Variants in ZNF562 observed in about 807,000 individuals in gnomAD.
ZNF562 encodes zinc finger protein 562.
In ZNF562, 13 loss-of-function variants were observed where a neutral mutation model predicts 17.5. The observed-to-expected ratio is 0.74, with a 90% CI of 0.48 to 1.18. The LOEUF (loss-of-function observed/expected upper bound fraction) is 1.18, where lower values mean the gene tolerates loss of function less well. Among genes scored for constraint, ZNF562 ranks in the 50% most tolerant of loss-of-function variants. The probability of loss-of-function intolerance (pLI) is 0.00; values close to 1 mark genes in which losing one functional copy is unlikely to be tolerated. For synonymous variants in ZNF562, 163 were observed against 165.4 expected (o/e 0.99, Z 0.11); for missense variants, 481 against 498.5 (o/e 0.96, Z 0.33).
rs752571911 is a variant in ZNF562, at chr19:9,653,111, C to G, written c.1119G>C (p.Gln373His). 3 of 1,610,988 alleles carry G rather than the reference C, an allele frequency of 1.9e-6. No homozygotes were observed. Among genetic ancestry groups the G allele is most frequent in the Non-Finnish European group, 2.5e-6 (3 of 1,178,332 alleles). Residue 373 changes from glutamine (Q) to histidine (H), a missense_variant, in exon 6 of 6, where the codon CAG (glutamine) becomes CAC (histidine). Transcript: ENST00000453372. ...TGAAGGCTTTCCCACATTCCTTACA[C>G]TGATAGGGTTTCTCTCCAGTGTGAT... ...IRNHTGEKPY[Q>H]CKECGKAFNR...
intron 5 of ZNF562, among the ~76,000 whole-genome samples, chr19:9,654,300 T>C (rs1169188733): frequency 1.3e-5 from 2 of 152,016 alleles, no homozygotes; most frequent in Admixed American, 1.3e-4. Context: ...ATGTTTTACT[T>C]TTTTCAGAGC....
Position 9,653,807 on chromosome 19 carries a change from C to T in ZNF562, c.423G>A (p.Lys141=), listed in dbSNP as rs1568261502. 3 of 1,613,456 alleles carry T rather than the reference C, an allele frequency of 1.9e-6. No homozygotes were observed. Among genetic ancestry groups the T allele is most frequent in the East Asian group, 2.2e-5 (1 of 44,858 alleles). The part of the protein sequence containing the change: ...GEVFSEQFCL[K]THMRAQNGGN... ...CTCCATTCTGAGCTCTCATGTGTGT[C>T]TTAAGGCAAAACTGTTCACTGAAGA... is the stretch of plus-strand genomic sequence containing the variant. Residue 141 remains lysine (K), a synonymous_variant, in exon 6 of 6, where the codon AAG becomes AAA. Transcript: ENST00000453372.
chr19:9,674,427 A>G (rs376750203), intron 1 of ZNF562, among the ~76,000 whole-genome samples: 1 of 152,134 alleles, frequency 6.6e-6, no homozygotes, highest in Non-Finnish European at 1.5e-5. Flanking sequence ...ATATCTAACA[A>G]TCACTTGAAC....
chr19:9,660,564 C>T (rs965534157), intron 2 of ZNF562, among the ~76,000 whole-genome samples, 156 bp downstream of exon 2: 3 of 151,770 alleles, frequency 2.0e-5, no homozygotes, highest in African/African-American at 7.3e-5. Context: ...TAAGATCATG[C>T]CATTGCACTT....
At chr19:9,662,144 C>T (rs1480332352) in intron 1 of ZNF562, among the ~76,000 whole-genome samples, 2 of 152,110 alleles carry the variant, frequency 1.3e-5, no homozygotes, top group East Asian at 3.8e-4. Context: ...GAGCCTGATC[C>T]CCTGTATATG....
At chr19:9,669,820 A>T (rs1184009364) in intron 1 of ZNF562, among the ~76,000 whole-genome samples, 1 of 150,230 alleles carries the variant, frequency 6.7e-6, no homozygotes, top group Non-Finnish European at 1.5e-5. Flanking sequence ...CCAGCTCTTT[A>T]GGAGGCCAAG....
chr19:9,653,814 C>G lies in ZNF562; in HGVS notation c.416G>C (p.Cys139Ser). 6.2e-7 allele frequency: 1 copy of G among 1,612,632 alleles called. No homozygotes were observed. Among genetic ancestry groups the G allele is most frequent in the Non-Finnish European group, 8.5e-7 (1 of 1,179,336 alleles). Residue 139 changes from cysteine (C) to serine (S), a missense_variant, in exon 6 of 6, where the codon TGC (cysteine) becomes TCC (serine). By Grantham distance (112) the Cys-to-Ser change is moderately radical. Transcript: ENST00000453372. ...NCGEVFSEQFCLKTHMRAQNG... is the reference protein window; with the variant it reads ...NCGEVFSEQFSLKTHMRAQNG... ...CTGAGCTCTCATGTGTGTCTTAAGGCAAAACTGTTCACTGAAGACCTCTCC... is the reference window on the plus strand; with the variant it reads ...CTGAGCTCTCATGTGTGTCTTAAGGGAAAACTGTTCACTGAAGACCTCTCC...
rs2043708466 is a variant in ZNF562 at position 9,660,851 on chromosome 19, CT to C, written c.-108del. 1.7e-6 allele frequency: 2 copies of C among 1,171,582 alleles called. No homozygotes were observed. Among genetic ancestry groups the C allele is most frequent in the African/African-American group, 1.5e-5 (1 of 65,796 alleles). 72.6% of individuals were successfully genotyped at this position (1,171,582 alleles called of 1,614,324 possible). ...GTGGATACAGGCAATCTCCATTCCC[CT>C]TTGTACAGGGTTATCTGAGGCCCTG... On this transcript the variant is annotated 5_prime_UTR_variant, in exon 2 of 6. Coordinates refer to ENST00000453372, the MANE Select transcript of ZNF562 (RefSeq NM_001130031.2).
rs1325083233 is a variant in ZNF562 at position 9,669,746 on chromosome 19, A to G, written c.-131+5269T>C. On this transcript the variant is annotated intron_variant, in intron 1 of 5. Coordinates refer to ENST00000453372, the MANE Select transcript of ZNF562 (RefSeq NM_001130031.2). Reference sequence around the variant, plus strand: ...CGCGCGCGCGCGCGCACACACACACACACACACACACACACACACACACAC... The same window carrying G: ...CGCGCGCGCGCGCGCACACACACACGCACACACACACACACACACACACAC... Among the ~76,000 whole-genome samples, 39 of 146,804 alleles carry G rather than the reference A, an allele frequency of 2.7e-4. No homozygotes were observed. The East Asian group carries it at 4.2e-3, about 16-fold the overall frequency.
chr19:9,646,228 G>T lies in ZNF562; in HGVS notation c.*6721C>A, dbSNP rs1183258213. 3 of 151,660 alleles carry T rather than the reference G, an allele frequency of 2.0e-5. No individual in the cohort carries two copies. Among genetic ancestry groups the T allele is most frequent in the African/African-American group, 7.3e-5 (3 of 41,256 alleles). The allele number at this position is 151,660 out of a possible 1,614,324, so 9.4% of individuals were successfully genotyped here. A position where few individuals can be genotyped will look rare whatever the true frequency, so the allele number is the denominator to read the frequency against. ...CTGGCATTACAGGCATGCACCACTAGGCACAGCTAATTTTGTATTTTTAGT... is the reference window on the plus strand; with the variant it reads ...CTGGCATTACAGGCATGCACCACTATGCACAGCTAATTTTGTATTTTTAGT... On this transcript the variant is annotated 3_prime_UTR_variant, in exon 6 of 6. Transcript: ENST00000453372.
intron 1 of ZNF562, among the ~76,000 whole-genome samples, chr19:9,661,082 A>C (rs2043717377): frequency 6.6e-6 from 1 of 152,218 alleles, no homozygotes; most frequent in African/African-American, 2.4e-5. Flanking sequence ...TTATATATAC[A>C]TGCTCACTTA....
Position 9,656,647 on chromosome 19 carries a change from A to T in ZNF562, c.248T>A (p.Phe83Tyr). The T allele has an allele frequency of 6.2e-7, 1 of 1,613,626 alleles. No individual in the cohort carries two copies. The change falls in exon 5 of 6, where the codon TTT becomes TAT. Residue 83 changes from phenylalanine (F) to tyrosine (Y), a missense_variant. Coordinates refer to ENST00000453372, the MANE Select transcript of ZNF562 (RefSeq NM_001130031.2). Reference protein sequence around the residue: ...NYMNLASVDFFFCLTSEWEIQ... With the variant: ...NYMNLASVDFYFCLTSEWEIQ... ...TTCCCATTCTGAAGTTAAGCAGAAAAAGAAATCTAAGGGTTTAGAGAAGAA... is the reference window on the plus strand; with the variant it reads ...TTCCCATTCTGAAGTTAAGCAGAAATAGAAATCTAAGGGTTTAGAGAAGAA...
Position 9,650,376 on chromosome 19 carries a change from GTGTATATATA to G in ZNF562, c.*2563_*2572del, listed in dbSNP as rs1205710612. ...TTAGGAGTTAGGTATACATACATATGTGTATATATATGTATATATATATACACATACACAC... is the reference window on the plus strand; with the variant it reads ...TTAGGAGTTAGGTATACATACATATGTGTATATATATATACACATACACAC... On this transcript the variant is annotated 3_prime_UTR_variant, in exon 6 of 6. Transcript: ENST00000453372. The G allele has an allele frequency of 1.4e-5, 2 of 148,132 alleles. No homozygotes were observed. Among genetic ancestry groups the G allele is most frequent in the Admixed American group, 6.9e-5 (1 of 14,506 alleles). 9.2% of individuals were successfully genotyped at this position (148,132 alleles called of 1,614,324 possible).
In ZNF562 at chr19:9,642,273, TTC is replaced by T. The variant is rs1172189443; in HGVS notation, c.*10674_*10675del. The T allele has an allele frequency of 4.0e-5, 6 of 148,496 alleles. No homozygotes were observed. The highest frequency in any genetic ancestry group is 6.7e-5 in the Admixed American group (1 of 14,990). The allele number at this position is 148,496 out of a possible 1,614,324, so 9.2% of individuals were successfully genotyped here. ...TACAGTTCTGATGTTTAAAATTACATTCTTTTTTTTCTTTAAAAAAAAAAAAA... is the reference window on the plus strand; with the variant it reads ...TACAGTTCTGATGTTTAAAATTACATTTTTTTTTCTTTAAAAAAAAAAAAA... On this transcript the variant is annotated 3_prime_UTR_variant, in exon 6 of 6. Coordinates refer to ENST00000453372, the MANE Select transcript of ZNF562 (RefSeq NM_001130031.2).
chr19:9,659,748 T>C (rs1359997761), intron 2 of ZNF562, among the ~76,000 whole-genome samples: 1 of 151,568 alleles, frequency 6.6e-6, no homozygotes, highest in Non-Finnish European at 1.5e-5. Context: ...GTAACACTCA[T>C]GAAGCTTATG....
intron 1 of ZNF562, among the ~76,000 whole-genome samples, chr19:9,663,534 C>T (rs2043836963): frequency 6.6e-6 from 1 of 152,058 alleles, no homozygotes; most frequent in Admixed American, 6.5e-5. Flanking sequence ...TCCTGACATT[C>T]CAAAAATCAT....
chr19:9,669,715 C>CAT (rs1568281523), intron 1 of ZNF562, among the ~76,000 whole-genome samples: 3 of 114,652 alleles, frequency 2.6e-5, no homozygotes, highest in Non-Finnish European at 5.1e-5. Context: ...TGCACGCGCG[C>CAT]GAGCGCGCGC....
chr19:9,654,693 T>G (rs961307620), intron 5 of ZNF562, among the ~76,000 whole-genome samples: 1 of 152,096 alleles, frequency 6.6e-6, no homozygotes, highest in Non-Finnish European at 1.5e-5. Flanking sequence ...CTCATCCGCC[T>G]GCCTAGGCCT....
At chr19:9,659,614 T>C (rs2043646603) in intron 2 of ZNF562, 147 bp from the exon 3 acceptor site, 2 of 1,037,256 alleles carry the variant, frequency 1.9e-6, no homozygotes, top group Admixed American at 2.7e-5. Context: ...AATGCCGTAG[T>C]AGTCCTGTAT....
Sources: gnomAD v4.1 joint callset for allele counts (sites outside exome capture counted in the v4.1 genomes callset) on GRCh38, gnomAD v4.1.1 for gene constraint, MANE v1.5 for transcripts, NCBI Gene and HGNC (gene_info 2026-07-23, HGNC 2026-07-21) for gene names.